The following ADRA1D variants were observed in gnomAD, a reference collection of about 807,000 sequenced individuals.
ADRA1D encodes adrenoceptor alpha 1D, also known as alpha-1D adrenergic receptor.
Under a neutral mutation model 18.6 loss-of-function variants are expected in ADRA1D, and 22 were observed. The observed-to-expected ratio is 1.19, with a 90% CI of 0.85 to 1.69. The LOEUF (loss-of-function observed/expected upper bound fraction) is 1.69. Ranked by LOEUF, ADRA1D falls within the 40% of genes most tolerant of loss-of-function variation. The pLI is 0.00. For missense variants in ADRA1D, 840 were observed against 840.7 expected (o/e 1.00, Z 0.01); for synonymous variants, 376 against 388.2 (o/e 0.97, Z 0.37).
At chr20:4,226,926 A>G (rs568473856) in intron 1 of ADRA1D, among the ~76,000 whole-genome samples, 10 of 152,112 alleles carry the variant, frequency 6.6e-5, no homozygotes, top group Non-Finnish European at 1.3e-4. Flanking sequence ...CAGTGCTCCA[A>G]TCCACCACCT....
At chr20:4,247,026 C>T (rs1261228266) in intron 1 of ADRA1D, among the ~76,000 whole-genome samples, 1 of 152,176 alleles carries the variant, frequency 6.6e-6, no homozygotes, top group Non-Finnish European at 1.5e-5. Context: ...TGTTCCCCCA[C>T]TACTCCTTGC....
intron 1 of ADRA1D, among the ~76,000 whole-genome samples, chr20:4,230,340 C>T (rs1980924506): frequency 6.6e-6 from 1 of 152,232 alleles, no homozygotes; most frequent in Non-Finnish European, 1.5e-5. Context: ...ACAGGCATAT[C>T]AAGCACACAG....
intron 1 of ADRA1D, 60 bp downstream of exon 1, chr20:4,247,787 G>A: frequency 7.0e-7 from 1 of 1,424,466 alleles, no homozygotes; most frequent in Non-Finnish European, 9.2e-7. Context: ...TGGGTGCCAG[G>A]AGGGCACCGC....
chr20:4,248,273 C>A lies in ADRA1D; in HGVS notation c.685G>T (p.Val229Leu). Residue 229 changes from valine (V) to leucine (L), a missense_variant, in exon 1 of 2, where the codon GTA (valine) becomes TTA (leucine). Coordinates refer to ENST00000379453, the MANE Select transcript of ADRA1D (RefSeq NM_000678.4). ...LLWVVALVVS[V>L]GPLLGWKEPV... Reference sequence around the variant, plus strand: ...TCCTTCCAGCCCAGCAGGGGCCCTACGGACACCACCAGGGCTACGACCCAG... The same window carrying A: ...TCCTTCCAGCCCAGCAGGGGCCCTAAGGACACCACCAGGGCTACGACCCAG... 6.2e-7 allele frequency: 1 copy of A among 1,608,468 alleles called. No individual in the cohort carries two copies. Among genetic ancestry groups the A allele is most frequent in the Admixed American group, 1.7e-5 (1 of 59,208 alleles).
In ADRA1D at chr20:4,249,127, G is replaced by T; in HGVS notation, c.-170C>A. 2.2e-6 allele frequency: 1 copy of T among 455,876 alleles called. No individual in the cohort carries two copies. Among genetic ancestry groups the T allele is most frequent in the Non-Finnish European group, 3.0e-6 (1 of 331,396 alleles). The allele number at this position is 455,876 out of a possible 1,614,324, so 28.2% of individuals were successfully genotyped here. On this transcript the variant is annotated 5_prime_UTR_variant, in exon 1 of 2. Transcript: ENST00000379453. ...AGCGCGGCTGTCCGAGAGCGGAGCT[G>T]CCTGGCCCGGGCGGCGGCCGGGCTC... is the stretch of plus-strand genomic sequence containing the variant.
rs1980692379 is a variant in ADRA1D, at chr20:4,222,291, A to G, written c.1112-161T>C. The G allele has an allele frequency of 4.1e-6, 4 of 965,190 alleles. No individual in the cohort carries two copies. In the East Asian group the frequency reaches 1.3e-4, roughly 30 times the overall value. 59.8% of individuals were successfully genotyped at this position (965,190 alleles called of 1,614,324 possible). ...AATCAGGAGGTCCATGAACTTGGATAGAGAAAAATAATAATTGTTTTCACT... is the reference window on the plus strand; with the variant it reads ...AATCAGGAGGTCCATGAACTTGGATGGAGAAAAATAATAATTGTTTTCACT... On this transcript the variant is annotated intron_variant, in intron 1 of 1. Transcript: ENST00000379453. This position sits in a 1 kb window ranked among gnomAD's most constrained non-coding sequence, Gnocchi z 4.3.
Position 4,249,110 on chromosome 20 carries a change from T to C in ADRA1D, c.-153A>G, listed in dbSNP as rs1981443331. 1.7e-6 allele frequency: 1 copy of C among 599,036 alleles called. No homozygotes were observed. The highest frequency in any genetic ancestry group is 2.2e-6 in the Non-Finnish European group (1 of 459,370). The allele number at this position is 599,036 out of a possible 1,614,324, so 37.1% of individuals were successfully genotyped here. On this transcript the variant is annotated 5_prime_UTR_variant, in exon 1 of 2. Coordinates refer to ENST00000379453, the MANE Select transcript of ADRA1D (RefSeq NM_000678.4). ...AAGTTCCTGTGACGCGGAGCGCGGCTGTCCGAGAGCGGAGCTGCCTGGCCC... is the reference window on the plus strand; with the variant it reads ...AAGTTCCTGTGACGCGGAGCGCGGCCGTCCGAGAGCGGAGCTGCCTGGCCC...
At position 4,248,207 on chromosome 20, in the gene ADRA1D, C is replaced by T. The variant is rs1472781546; in HGVS notation, c.751G>A (p.Glu251Lys). The T allele has an allele frequency of 6.3e-7, 1 of 1,594,210 alleles. No homozygotes were observed. Among genetic ancestry groups the T allele is most frequent in the Admixed American group, 1.8e-5 (1 of 56,776 alleles). The stretch of plus-strand genomic sequence containing the variant: ...GAGGAGAAGACAGCGTAGCCCGCCT[C>T]CTCGGTGATACCGCAGAAGCGCTCG... ...PDERFCGITE[E>K]AGYAVFSSVC... Residue 251 changes from glutamate (E) to lysine (K), a missense_variant, in exon 1 of 2, where the codon GAG becomes AAG. Glu to Lys is a moderately conservative substitution (Grantham distance 56, BLOSUM62 1). Coordinates refer to ENST00000379453, the MANE Select transcript of ADRA1D (RefSeq NM_000678.4).
chr20:4,244,660 C>G (rs965551273), intron 1 of ADRA1D, among the ~76,000 whole-genome samples: 1 of 152,222 alleles, frequency 6.6e-6, no homozygotes, highest in African/African-American at 2.4e-5. Flanking sequence ...AGGTATCTCC[C>G]TCCTCCCAGG....
chr20:4,240,407 C>CTTT (rs57205653), intron 1 of ADRA1D, among the ~76,000 whole-genome samples: 8 of 142,658 alleles, frequency 5.6e-5, no homozygotes, highest in African/African-American at 1.8e-4. Context: ...GGATTGTGGG[C>CTTT]TTTTTTTTTT....
intron 1 of ADRA1D, among the ~76,000 whole-genome samples, chr20:4,231,260 G>A (rs972491217): frequency 1.0e-5 from 1 of 98,696 alleles, no homozygotes; most frequent in Admixed American, 1.0e-4. Context: ...ACTACACCTG[G>A]CTAATTGTTA....
chr20:4,222,013 T>C lies in ADRA1D; in HGVS notation c.1229A>G (p.Lys410Arg). Residue 410 changes from lysine to arginine, a missense_variant, in exon 2 of 2, where the codon AAG (lysine) becomes AGG (arginine). By Grantham distance (26) the Lys-to-Arg change is conservative (BLOSUM62 2). Coordinates refer to ENST00000379453, the MANE Select transcript of ADRA1D (RefSeq NM_000678.4). The surrounding 1 kb of genome is among the most constrained non-coding windows in gnomAD (Gnocchi z 4.3). ...LIYPCSSREF[K>R]RAFLRLLRCQ... ...GCGCAGGAGACGGAGGAAGGCGCGC[T>C]TGAACTCGCGGCTGGAACAGGGGTA... 1 of 1,601,738 alleles carries C rather than the reference T, an allele frequency of 6.2e-7. No homozygotes were observed. Among genetic ancestry groups the C allele is most frequent in the African/African-American group, 1.3e-5 (1 of 74,608 alleles).
At chr20:4,231,038 T>TTTTCTTTTTCTTTCTTTCTTTC (rs1555821020) in intron 1 of ADRA1D, among the ~76,000 whole-genome samples, 6 of 108,514 alleles carry the variant, frequency 5.5e-5, no homozygotes, top group Non-Finnish European at 9.1e-5. Context: ...CTTTCTTTCT[T>TTTTCTTTTTCTTTCTTTCTTTC]TTTCTTTCTT....
intron 1 of ADRA1D, among the ~76,000 whole-genome samples, chr20:4,242,051 C>T (rs1284422194): frequency 6.6e-6 from 1 of 152,232 alleles, no homozygotes; most frequent in Non-Finnish European, 1.5e-5. Flanking sequence ...CTAGCATTCT[C>T]TTCCAGTTAG....
Position 4,249,024 on chromosome 20 carries a change from A to T in ADRA1D, c.-67T>A. 1 of 1,149,508 alleles carries T rather than the reference A, an allele frequency of 8.7e-7. No homozygotes were observed. The highest frequency in any genetic ancestry group is 1.1e-6 in the Non-Finnish European group (1 of 916,936). 71.2% of individuals were successfully genotyped at this position (1,149,508 alleles called of 1,614,324 possible). On this transcript the variant is annotated 5_prime_UTR_variant, in exon 1 of 2. Transcript: ENST00000379453. ...GAGCGGCCGGCAGGGAGGGGAGCACAGGGCATAGCCGCGGGGCTCCAGATG... is the reference window on the plus strand; with the variant it reads ...GAGCGGCCGGCAGGGAGGGGAGCACTGGGCATAGCCGCGGGGCTCCAGATG...
rs367566190 is a variant in ADRA1D, at chr20:4,248,279, C to A, written c.679G>T (p.Val227Leu). 19 of 1,608,500 alleles carry A rather than the reference C, an allele frequency of 1.2e-5. No individual in the cohort carries two copies. The highest frequency in any genetic ancestry group is 1.5e-5 in the Non-Finnish European group (18 of 1,177,824). Reference sequence around the variant, plus strand: ...CAGCCCAGCAGGGGCCCTACGGACACCACCAGGGCTACGACCCAGAGCAGG... The same window carrying A: ...CAGCCCAGCAGGGGCCCTACGGACAACACCAGGGCTACGACCCAGAGCAGG... ...LALLWVVALVVSVGPLLGWKE... is the reference protein window; with the variant it reads ...LALLWVVALVLSVGPLLGWKE... Residue 227 changes from valine (V) to leucine (L), a missense_variant, in exon 1 of 2, where the codon GTG becomes TTG. Physicochemically the swap from Val to Leu is conservative, Grantham distance 32. Transcript: ENST00000379453.
intron 1 of ADRA1D, among the ~76,000 whole-genome samples, chr20:4,231,024 TTCTC>T (rs764695753): frequency 7.1e-6 from 1 of 140,702 alleles, no homozygotes; most frequent in African/African-American, 2.6e-5. Flanking sequence ...TCTTTTCTCT[TTCTC>T]TTTCTTTCTT....
chr20:4,229,691 C>T (rs1454675074), intron 1 of ADRA1D, among the ~76,000 whole-genome samples: 5 of 152,148 alleles, frequency 3.3e-5, no homozygotes, highest in Middle Eastern at 3.4e-3. Context: ...AGGAAGGAGA[C>T]GAGGTTGGAA....
intron 1 of ADRA1D, among the ~76,000 whole-genome samples, chr20:4,223,925 A>T (rs1184593707): frequency 6.6e-6 from 1 of 152,126 alleles, no homozygotes. Flanking sequence ...CATAATTCCC[A>T]CTGTAGCTCC....
Sources: gnomAD v4.1 joint callset for allele counts (sites outside exome capture counted in the v4.1 genomes callset) on GRCh38, gnomAD v4.1.1 for gene constraint, Gnocchi (gnomAD v3.1) non-coding constraint, MANE v1.5 for transcripts, NCBI Gene and HGNC (gene_info 2026-07-23, HGNC 2026-07-21) for gene names.